ROBO1: variants seen among roughly 807,000 people sequenced by gnomAD.
ROBO1 encodes roundabout homolog 1.
A neutral mutation model predicts 195.9 loss-of-function variants in ROBO1; 149 were observed. That is an observed-to-expected ratio of 0.76 (90% CI 0.67 to 0.87). ROBO1 has a LOEUF of 0.87. Ranked by LOEUF, ROBO1 falls within the 40% of genes least tolerant of loss-of-function variation. ROBO1 has a pLI of 0.00. For synonymous variants in ROBO1, 816 were observed against 733.2 expected (o/e 1.11, Z -1.82); for missense variants, 1,933 against 2,068.3 (o/e 0.93, Z 1.27).
At chr3:78,627,636 T>A in intron 25 of ROBO1, 67 bp from the exon 26 acceptor site, 1 of 1,454,964 alleles carries the variant, frequency 6.9e-7, no homozygotes, top group East Asian at 2.3e-5. Context: ...TGGATAGTAA[T>A]GAAATGTCAC....
At chr3:79,182,810 T>A (rs2081366891) in intron 2 of ROBO1, among the ~76,000 whole-genome samples, 1 of 152,128 alleles carries the variant, frequency 6.6e-6, no homozygotes, top group African/African-American at 2.4e-5. Context: ...CCGGGTGTAG[T>A]GGCTCATGCC....
At chr3:79,078,880 G>T (rs1559643308) in intron 3 of ROBO1, among the ~76,000 whole-genome samples, 1 of 151,628 alleles carries the variant, frequency 6.6e-6, no homozygotes, top group Non-Finnish European at 1.5e-5. Flanking sequence ...CAGGTGTTTT[G>T]GTTTGTAGTT....
chr3:78,857,452 A>G (rs1195426875), intron 4 of ROBO1, among the ~76,000 whole-genome samples: 1 of 152,190 alleles, frequency 6.6e-6, no homozygotes, highest in Non-Finnish European at 1.5e-5. Flanking sequence ...GGTATTTTGA[A>G]GTGTCCCCTA....
intron 4 of ROBO1, among the ~76,000 whole-genome samples, chr3:78,887,587 G>C (rs2036640027): frequency 6.6e-6 from 1 of 152,116 alleles, no homozygotes; most frequent in South Asian, 2.1e-4. Flanking sequence ...TAAGTCCAAG[G>C]ATACTTAGTA....
intron 2 of ROBO1, among the ~76,000 whole-genome samples, chr3:79,511,513 C>T (rs1463654854): frequency 2.6e-5 from 4 of 152,080 alleles, no homozygotes; most frequent in Admixed American, 2.6e-4. Context: ...CATTCATACA[C>T]TCAGTCTGTA....
At chr3:79,275,489 T>C (rs1370571438) in intron 2 of ROBO1, among the ~76,000 whole-genome samples, 3 of 151,712 alleles carry the variant, frequency 2.0e-5, no homozygotes, top group Non-Finnish European at 4.4e-5. Flanking sequence ...CACAGCACAA[T>C]AAAAGCAATA....
At chr3:79,572,530 G>A (rs1385494548) in intron 2 of ROBO1, among the ~76,000 whole-genome samples, 1 of 151,910 alleles carries the variant, frequency 6.6e-6, no homozygotes, top group Non-Finnish European at 1.5e-5. Context: ...AATTTTAGCT[G>A]AAACTATGCT....
intron 5 of ROBO1, among the ~76,000 whole-genome samples, chr3:78,734,662 C>A (rs565728638): frequency 4.0e-5 from 6 of 149,514 alleles, no homozygotes; most frequent in Non-Finnish European, 5.9e-5. Context: ...TAAGAGAATA[C>A]TAACAAACAG....
intron 2 of ROBO1, among the ~76,000 whole-genome samples, chr3:79,573,676 A>G (rs1278408869): frequency 6.6e-6 from 1 of 152,144 alleles, no homozygotes; most frequent in African/African-American, 2.4e-5. Context: ...AACACATTCA[A>G]TTAGGGGTAG....
intron 4 of ROBO1, among the ~76,000 whole-genome samples, chr3:78,856,474 G>A (rs2034445431): frequency 6.6e-6 from 1 of 151,562 alleles, no homozygotes. Context: ...AAATTTGAAG[G>A]TCATTGAATT....
chr3:78,772,369 T>C (rs2083396756), intron 4 of ROBO1, among the ~76,000 whole-genome samples: 1 of 152,056 alleles, frequency 6.6e-6, no homozygotes, highest in Non-Finnish European at 1.5e-5. Context: ...TGAAATAAAA[T>C]CCATAGTAAT....
At chr3:78,912,852 T>C (rs996237824) in intron 4 of ROBO1, among the ~76,000 whole-genome samples, 5 of 152,140 alleles carry the variant, frequency 3.3e-5, no homozygotes, top group African/African-American at 2.4e-5. Context: ...ATGTTATCTT[T>C]AGTTTGAAGA....
At chr3:78,827,949 T>A (rs1205975619) in intron 4 of ROBO1, among the ~76,000 whole-genome samples, 3 of 152,180 alleles carry the variant, frequency 2.0e-5, no homozygotes, top group Non-Finnish European at 4.4e-5. Context: ...TTGGTTCCCA[T>A]GGCATAGCCG....
chr3:79,368,906 T>G (rs370477945), intron 2 of ROBO1, among the ~76,000 whole-genome samples: 2 of 152,248 alleles, frequency 1.3e-5, no homozygotes, highest in African/African-American at 4.8e-5. Flanking sequence ...TCAATAAAAT[T>G]TACAGCAGCA....
At chr3:79,137,227 C>T (rs1267785144) in intron 2 of ROBO1, among the ~76,000 whole-genome samples, 4 of 151,194 alleles carry the variant, frequency 2.6e-5, no homozygotes, top group Non-Finnish European at 5.9e-5. Context: ...TGTTTAGTGA[C>T]TGGATGGTTC....
At chr3:79,206,932 C>G (rs983894651) in intron 2 of ROBO1, among the ~76,000 whole-genome samples, 1 of 152,068 alleles carries the variant, frequency 6.6e-6, no homozygotes, top group Non-Finnish European at 1.5e-5. Flanking sequence ...AAGCTATCAA[C>G]TATAAGCAGA....
At chr3:79,006,382 A>T (rs2077621415) in intron 3 of ROBO1, among the ~76,000 whole-genome samples, 1 of 152,170 alleles carries the variant, frequency 6.6e-6, no homozygotes, top group Non-Finnish European at 1.5e-5. Flanking sequence ...AGATAACAAA[A>T]AGTAAGGAGA....
intron 3 of ROBO1, among the ~76,000 whole-genome samples, chr3:78,995,011 A>G (rs573390761): frequency 2.0e-5 from 3 of 152,298 alleles, no homozygotes; most frequent in Non-Finnish European, 4.4e-5. Flanking sequence ...AGAGAACCAG[A>G]TGGAAACTAA....
At chr3:79,111,437 G>A (rs973390207) in intron 3 of ROBO1, among the ~76,000 whole-genome samples, 2 of 152,170 alleles carry the variant, frequency 1.3e-5, no homozygotes, top group Non-Finnish European at 1.5e-5. Flanking sequence ...TTGCCAGCAG[G>A]AAGAGCCCTT....
Sources: allele counts gnomAD v4.1 joint callset (sites outside exome capture counted in the v4.1 genomes callset), GRCh38; gene constraint gnomAD v4.1.1; transcripts MANE v1.5; gene names NCBI Gene and HGNC (gene_info 2026-07-23, HGNC 2026-07-21).